Variants in GPR180 observed in about 807,000 individuals in gnomAD.
GPR180 encodes the protein G protein-coupled receptor 180.
In GPR180, 53 loss-of-function variants were observed where a neutral mutation model predicts 52.6. The ratio of observed to expected loss-of-function variants is 1.01; its 90% CI spans 0.81 to 1.27. The LOEUF (loss-of-function observed/expected upper bound fraction) is 1.27. Among genes scored for constraint, GPR180 ranks in the 50% most tolerant of loss-of-function variants. The probability of loss-of-function intolerance (pLI) is 0.00; values close to 1 mark genes in which losing one functional copy is unlikely to be tolerated. For synonymous variants in GPR180, 200 were observed against 193.1 expected (o/e 1.04, Z -0.30); for missense variants, 533 against 527.0 (o/e 1.01, Z -0.11).
rs1890030437 is a variant in GPR180 at position 94,633,821 on chromosome 13, G to A, written c.*6650G>A. On this transcript the variant is annotated 3_prime_UTR_variant, in exon 9 of 9. Coordinates refer to ENST00000376958, the MANE Select transcript of GPR180 (RefSeq NM_180989.6). ...CTGTATTTTCATCTAGTGGTTTTAT[G>A]GTTTTATTTTGTATGTTTTTTTCAT... 1 of 148,796 alleles carries A rather than the reference G, an allele frequency of 6.7e-6. No homozygotes were observed. The highest frequency in any genetic ancestry group is 2.5e-5 in the African/African-American group (1 of 40,212). The allele number at this position is 148,796 out of a possible 1,614,324, so 9.2% of individuals were successfully genotyped here. A position where few individuals can be genotyped will look rare whatever the true frequency, so the allele number is the denominator to read the frequency against.
intron 1 of GPR180, among the ~76,000 whole-genome samples, chr13:94,603,965 T>G (rs993746431): frequency 2.6e-5 from 4 of 152,194 alleles, no homozygotes; most frequent in African/African-American, 9.6e-5. Flanking sequence ...GCCAGACTCG[T>G]TGGGTGGCTC....
chr13:94,611,516 C>T (rs1889702995), intron 2 of GPR180, among the ~76,000 whole-genome samples: 1 of 152,000 alleles, frequency 6.6e-6, no homozygotes, highest in Admixed American at 6.6e-5. Flanking sequence ...ATTAACCAAC[C>T]CGGAAACTGT....
chr13:94,632,832 G>A lies in GPR180; in HGVS notation c.*5661G>A, dbSNP rs1425624889. 1 of 152,146 alleles carries A rather than the reference G, an allele frequency of 6.6e-6. No homozygotes were observed. Among genetic ancestry groups the A allele is most frequent in the Non-Finnish European group, 1.5e-5 (1 of 68,038 alleles). The allele number at this position is 152,146 out of a possible 1,614,324, so 9.4% of individuals were successfully genotyped here. A position where few individuals can be genotyped will look rare whatever the true frequency, so the allele number is the denominator to read the frequency against. On this transcript the variant is annotated 3_prime_UTR_variant, in exon 9 of 9. Transcript: ENST00000376958. ...AGCCCAACCTCTGAGGTGGAGAGAG[G>A]GGTTAGAGATGGAGTTCAGCTTTAT...
At position 94,628,707 on chromosome 13, in the gene GPR180, A is replaced by G. The variant is rs1449019092; in HGVS notation, c.*1536A>G. The G allele has an allele frequency of 6.6e-6, 1 of 152,106 alleles. No individual in the cohort carries two copies. Among genetic ancestry groups the G allele is most frequent in the Non-Finnish European group, 1.5e-5 (1 of 67,950 alleles). 9.4% of individuals were successfully genotyped at this position (152,106 alleles called of 1,614,324 possible). On this transcript the variant is annotated 3_prime_UTR_variant, in exon 9 of 9. Coordinates refer to ENST00000376958, the MANE Select transcript of GPR180 (RefSeq NM_180989.6). ...ATTAGTTCTTTGTAAATCACTTAGT[A>G]CATTAGAGCTACAGGTTAAGACTAG...
chr13:94,616,472 A>G (rs971670104), intron 3 of GPR180, among the ~76,000 whole-genome samples: 3 of 152,152 alleles, frequency 2.0e-5, no homozygotes, highest in Non-Finnish European at 4.4e-5. Context: ...CTCCTTTCTC[A>G]TTTACCATCA....
rs977699365 is a variant in GPR180, at chr13:94,607,029, C to T, written c.304+1480C>T. Among the ~76,000 whole-genome samples, 3 of 152,214 alleles carry T rather than the reference C, an allele frequency of 2.0e-5. No individual in the cohort carries two copies. In the East Asian group the frequency reaches 5.8e-4, roughly 29 times the overall value. On this transcript the variant is annotated intron_variant, in intron 2 of 8. Transcript: ENST00000376958. ...TCCTCTGGCGTCTAAACTGAACTCA[C>T]CATCTTCCCCATCCAGACCTGGTCC...
rs776848564 is a variant in GPR180, at chr13:94,623,178, G to T, written c.964G>T (p.Ala322Ser). 1 of 1,613,956 alleles carries T rather than the reference G, an allele frequency of 6.2e-7. No individual in the cohort carries two copies. Among genetic ancestry groups the T allele is most frequent in the Non-Finnish European group, 8.5e-7 (1 of 1,179,926 alleles). The change falls in exon 7 of 9, where the codon GCA (alanine) becomes TCA (serine). Residue 322 changes from alanine to serine, a missense_variant. Ala to Ser is a moderately conservative substitution (Grantham distance 99). Transcript: ENST00000376958. ...HHSYHSHHNL[A>S]GILLIVLRIC... ...TAGCTACCATTCACACCACAACTTA[G>T]CAGGGATCCTCCTAATTGTTCTAAG...
At chr13:94,622,371 A>G (rs1399110300) in intron 6 of GPR180, among the ~76,000 whole-genome samples, 3 of 152,208 alleles carry the variant, frequency 2.0e-5, no homozygotes, top group South Asian at 2.1e-4. Context: ...ACAAATATGA[A>G]TTGAGAACTG....
chr13:94,611,102 A>G (rs1241945555), intron 2 of GPR180, among the ~76,000 whole-genome samples: 3 of 152,226 alleles, frequency 2.0e-5, no homozygotes, highest in African/African-American at 7.2e-5. Context: ...CCAAGGTCAC[A>G]CAACAGGTAA....
intron 2 of GPR180, among the ~76,000 whole-genome samples, chr13:94,608,369 G>A (rs1452794448): frequency 6.6e-6 from 1 of 152,096 alleles, no homozygotes; most frequent in Non-Finnish European, 1.5e-5. Flanking sequence ...TTCTGCTGTT[G>A]TTTCTTTTTC....
rs886555944 is a variant in GPR180 at position 94,632,924 on chromosome 13, C to G, written c.*5753C>G. 6.6e-6 allele frequency: 1 copy of G among 152,020 alleles called. No individual in the cohort carries two copies. The highest frequency in any genetic ancestry group is 1.5e-5 in the Non-Finnish European group (1 of 68,072). The allele number at this position is 152,020 out of a possible 1,614,324, so 9.4% of individuals were successfully genotyped here. A position where few individuals can be genotyped will look rare whatever the true frequency, so the allele number is the denominator to read the frequency against. On this transcript the variant is annotated 3_prime_UTR_variant, in exon 9 of 9. Transcript: ENST00000376958. Reference sequence around the variant, plus strand: ...GAGAGAAACTCTGGTCAGTGATGCTCAAGTGAACTTCCCTGGTTGGCAATA... The same window carrying G: ...GAGAGAAACTCTGGTCAGTGATGCTGAAGTGAACTTCCCTGGTTGGCAATA...
chr13:94,608,948 A>C (rs745564754), intron 2 of GPR180, among the ~76,000 whole-genome samples: 3 of 152,230 alleles, frequency 2.0e-5, no homozygotes, highest in Non-Finnish European at 4.4e-5. Flanking sequence ...TGATTTAAAA[A>C]ATACTAAAAA....
At position 94,605,460 on chromosome 13, in the gene GPR180, A is replaced by C; in HGVS notation, c.215A>C (p.Tyr72Ser). The C allele has an allele frequency of 1.9e-6, 3 of 1,614,002 alleles. No homozygotes were observed. The highest frequency in any genetic ancestry group is 2.5e-6 in the Non-Finnish European group (3 of 1,179,884). Residue 72 changes from tyrosine to serine, a missense_variant, in exon 2 of 9, where the codon TAC (tyrosine) becomes TCC (serine). Transcript: ENST00000376958. ...AVAVGKEAKLYLFQAQEWLKL... is the reference protein window; with the variant it reads ...AVAVGKEAKLSLFQAQEWLKL... ...GCTGTTGGAAAAGAAGCTAAACTCT[A>C]CCTGTTCCAAGCCCAGGAATGGCTA...
At chr13:94,616,370 A>G (rs1889777897) in intron 3 of GPR180, among the ~76,000 whole-genome samples, 1 of 152,210 alleles carries the variant, frequency 6.6e-6, no homozygotes, top group South Asian at 2.1e-4. Context: ...GTGGGAGACC[A>G]CTGGGGCTCT....
intron 6 of GPR180, among the ~76,000 whole-genome samples, chr13:94,622,760 A>G (rs1165611123): frequency 6.6e-6 from 1 of 152,194 alleles, no homozygotes. Context: ...TTTTTAGTAG[A>G]GGTGGGGTTT....
At chr13:94,626,543 G>A (rs1889931540) in intron 8 of GPR180, among the ~76,000 whole-genome samples, 1 of 152,128 alleles carries the variant, frequency 6.6e-6, no homozygotes, top group South Asian at 2.1e-4. Context: ...GTGCCTGAAT[G>A]CACAAATGTT....
chr13:94,612,039 A>G (rs1047992513), intron 2 of GPR180, 151 bp from the exon 3 acceptor site: 1 of 612,556 alleles, frequency 1.6e-6, no homozygotes, highest in Non-Finnish European at 2.9e-6. Context: ...TATCTGGTTT[A>G]CAAGACTTAT....
At chr13:94,603,156 G>A (rs900906291) in intron 1 of GPR180, among the ~76,000 whole-genome samples, 12 of 151,248 alleles carry the variant, frequency 7.9e-5, no homozygotes. Context: ...AAAATCCAAT[G>A]TGGAATATAT....
chr13:94,605,844 G>A (rs1889623154), intron 2 of GPR180, among the ~76,000 whole-genome samples: 1 of 152,190 alleles, frequency 6.6e-6, no homozygotes, highest in Non-Finnish European at 1.5e-5. Flanking sequence ...GTGGCAGCAT[G>A]GAATGAATGG....
Sources: gnomAD v4.1 joint callset for allele counts (sites outside exome capture counted in the v4.1 genomes callset) on GRCh38, gnomAD v4.1.1 for gene constraint, MANE v1.5 for transcripts, NCBI Gene and HGNC (gene_info 2026-07-23, HGNC 2026-07-21) for gene names.